ADAMTS17: variants seen among roughly 807,000 people sequenced by gnomAD.
The protein encoded by ADAMTS17 is A disintegrin and metalloproteinase with thrombospondin motifs 17.
In ADAMTS17, 113 loss-of-function variants were observed where a neutral mutation model predicts 141.5. The ratio of observed to expected loss-of-function variants is 0.80; its 90% CI spans 0.69 to 0.93. The LOEUF (loss-of-function observed/expected upper bound fraction) is 0.93. ADAMTS17 is among the 40% of genes least tolerant of loss of function. The pLI is 0.00. For synonymous variants in ADAMTS17, 768 were observed against 630.6 expected (o/e 1.22, Z -3.27); for missense variants, 1,659 against 1,517.9 (o/e 1.09, Z -1.54).
chr15:100,100,645 G>C (rs1383557273), intron 14 of ADAMTS17, among the ~76,000 whole-genome samples: 1 of 152,046 alleles, frequency 6.6e-6, no homozygotes, highest in Non-Finnish European at 1.5e-5. Context: ...GAAAACCTCT[G>C]TTGCCTACTT....
chr15:100,319,706 T>A (rs2045672148), intron 3 of ADAMTS17, among the ~76,000 whole-genome samples: 1 of 150,516 alleles, frequency 6.6e-6, no homozygotes, highest in African/African-American at 2.5e-5. Flanking sequence ...AGAGACTCCA[T>A]CTCGAGAAAA....
At chr15:100,210,676 G>T in intron 7 of ADAMTS17, among the ~76,000 whole-genome samples, 1 of 152,218 alleles carries the variant, frequency 6.6e-6, no homozygotes. Context: ...TTGAAAATTA[G>T]AAGAGCTAGT....
At chr15:100,162,484 T>C (rs1221034588) in intron 8 of ADAMTS17, among the ~76,000 whole-genome samples, 2 of 133,056 alleles carry the variant, frequency 1.5e-5, no homozygotes, top group Non-Finnish European at 3.2e-5. Context: ...TATGTGTATA[T>C]ATATGCACAT....
At position 99,977,389 on chromosome 15, in the gene ADAMTS17, TA is replaced by T. The variant is rs1567632455; in HGVS notation, c.2950-1168del. Among the ~76,000 whole-genome samples the T allele has an allele frequency of 7.7e-4, 10 of 12,908 alleles. 2 individuals carry two copies. Among genetic ancestry groups the T allele is most frequent in the South Asian group, 5.6e-3 (2 of 360 alleles). The allele number at this position is 12,908 out of a possible 152,430, so 8.5% of individuals were successfully genotyped here. A position where few individuals can be genotyped will look rare whatever the true frequency, so the allele number is the denominator to read the frequency against. On this transcript the variant is annotated intron_variant, in intron 20 of 21. Coordinates refer to ENST00000268070, the MANE Select transcript of ADAMTS17 (RefSeq NM_139057.4). Reference sequence around the variant, plus strand: ...ATATATATATATATATATATATATATATATATATATAATTTTTTTTTTTTTT... The same window carrying T: ...ATATATATATATATATATATATATATTATATATATAATTTTTTTTTTTTTT...
chr15:100,223,328 T>G (rs71405367), intron 7 of ADAMTS17, among the ~76,000 whole-genome samples: 13,752 of 152,290 alleles, frequency 0.09, 825 homozygotes, highest in East Asian at 0.14. Context: ...GAAAAAGCAC[T>G]GACTCTTTTT....
rs937267174 is a variant in ADAMTS17, at chr15:100,206,941, T to C, written c.1076-7518A>G. ...GCCACGAGCGGAGGCTGCTCAACTG[T>C]GATGACAGCCGGAGCCAGGAAGAAG... On this transcript the variant is annotated intron_variant, in intron 7 of 21. Coordinates refer to ENST00000268070, the MANE Select transcript of ADAMTS17 (RefSeq NM_139057.4). Among the ~76,000 whole-genome samples the C allele has an allele frequency of 3.3e-5, 5 of 152,280 alleles. No individual in the cohort carries two copies. In the South Asian group the frequency reaches 6.2e-4, roughly 19 times the overall value.
intron 10 of ADAMTS17, among the ~76,000 whole-genome samples, chr15:100,139,354 A>T (rs2038507806): frequency 6.6e-6 from 1 of 152,230 alleles, no homozygotes; most frequent in South Asian, 2.1e-4. Flanking sequence ...AAGTGTATGT[A>T]GACTCATTGA....
At chr15:100,087,361 A>C (rs1160313498) in intron 15 of ADAMTS17, among the ~76,000 whole-genome samples, 2 of 152,220 alleles carry the variant, frequency 1.3e-5, no homozygotes, top group African/African-American at 4.8e-5. Flanking sequence ...TTACCAACCA[A>C]AAAATGTCCA....
At chr15:100,290,064 A>C (rs1683141058) in intron 3 of ADAMTS17, among the ~76,000 whole-genome samples, 1 of 152,164 alleles carries the variant, frequency 6.6e-6, no homozygotes, top group Admixed American at 6.5e-5. Flanking sequence ...GGAAGAGAGT[A>C]AGTCAAACCA....
chr15:100,064,289 A>G (rs1015335087), intron 15 of ADAMTS17, among the ~76,000 whole-genome samples: 1 of 152,230 alleles, frequency 6.6e-6, no homozygotes, highest in Non-Finnish European at 1.5e-5. Flanking sequence ...GACCTGCAGA[A>G]GGAACCAACC....
intron 8 of ADAMTS17, among the ~76,000 whole-genome samples, chr15:100,178,964 C>T (rs10162622): frequency 0.14 from 20,529 of 151,554 alleles, 1,870 homozygotes; most frequent in East Asian, 0.3. Flanking sequence ...TTTTTTTTTC[C>T]TAATTTCTGT....
intron 19 of ADAMTS17, among the ~76,000 whole-genome samples, chr15:99,995,854 GT>G: frequency 6.6e-6 from 1 of 152,330 alleles, no homozygotes; most frequent in East Asian, 1.9e-4. Flanking sequence ...CTAAGCCAGA[GT>G]TAGGCTGACT....
chr15:100,094,640 A>T (rs28648071), intron 15 of ADAMTS17, among the ~76,000 whole-genome samples: 5,676 of 152,312 alleles, frequency 0.037, 351 homozygotes, highest in African/African-American at 0.13. Context: ...TGTCTTCTAC[A>T]GAATCACGCA....
At chr15:100,148,777 GTCA>G (rs1322788951) in intron 10 of ADAMTS17, among the ~76,000 whole-genome samples, 1 of 151,408 alleles carries the variant, frequency 6.6e-6, no homozygotes, top group Non-Finnish European at 1.5e-5. Flanking sequence ...GTACCAGATT[GTCA>G]TCTTAAAGAG....
chr15:100,235,624 T>C (rs2042631289), intron 7 of ADAMTS17, among the ~76,000 whole-genome samples: 1 of 152,122 alleles, frequency 6.6e-6, no homozygotes, highest in African/African-American at 2.4e-5. Context: ...CCTCATACCT[T>C]CCCAGGTTTT....
At chr15:100,189,961 A>G (rs2040858288) in intron 8 of ADAMTS17, among the ~76,000 whole-genome samples, 1 of 151,608 alleles carries the variant, frequency 6.6e-6, no homozygotes, top group South Asian at 2.1e-4. Flanking sequence ...AAACCCTAAG[A>G]CTCTTCCCCA....
At chr15:100,288,600 C>A (rs2044525970) in intron 3 of ADAMTS17, among the ~76,000 whole-genome samples, 1 of 152,168 alleles carries the variant, frequency 6.6e-6, no homozygotes, top group African/African-American at 2.4e-5. Context: ...ACTCTAAAAT[C>A]TACCACACAA....
chr15:100,296,772 C>T lies in ADAMTS17; in HGVS notation c.617-15371G>A, dbSNP rs927623552. On this transcript the variant is annotated intron_variant, in intron 3 of 21. Coordinates refer to ENST00000268070, the MANE Select transcript of ADAMTS17 (RefSeq NM_139057.4). Reference sequence around the variant, plus strand: ...ATACAGCAGGCCAGGGTAGGGAAGCCGGGCTGGACCTTCCTATCCATGGTT... The same window carrying T: ...ATACAGCAGGCCAGGGTAGGGAAGCTGGGCTGGACCTTCCTATCCATGGTT... Among the ~76,000 whole-genome samples the T allele has an allele frequency of 1.2e-4, 19 of 152,294 alleles. No individual in the cohort carries two copies. In the South Asian group the frequency reaches 1.4e-3, roughly 12 times the overall value.
intron 4 of ADAMTS17, 127 bp downstream of exon 4, chr15:100,281,102 T>G: frequency 7.5e-7 from 1 of 1,335,910 alleles, no homozygotes; most frequent in Admixed American, 2.0e-5. Flanking sequence ...ATTACCAGGC[T>G]ATGTTCCCGT....
Sources: allele counts gnomAD v4.1 joint callset (sites outside exome capture counted in the v4.1 genomes callset), GRCh38; gene constraint gnomAD v4.1.1; transcripts MANE v1.5; gene names NCBI Gene and HGNC (gene_info 2026-07-23, HGNC 2026-07-21).